FGF12: variants seen among roughly 807,000 people sequenced by gnomAD.
FGF12 encodes fibroblast growth factor 12, also known as fibroblast growth factor 12B.
Under a neutral mutation model 23.6 loss-of-function variants are expected in FGF12, and 14 were observed. The observed-to-expected ratio is 0.59, with a 90% CI of 0.39 to 0.93. The LOEUF is 0.93. FGF12 is among the 40% of genes least tolerant of loss of function. The pLI, the probability that FGF12 is intolerant of heterozygous loss-of-function variation, is 0.00. For missense variants in FGF12, 175 were observed against 217.8 expected (o/e 0.80, Z 1.24); for synonymous variants, 62 against 77.3 (o/e 0.80, Z 1.04).
chr3:192,378,080 T>TCTTTCTTTCTG (rs1553805087), intron 2 of FGF12, among the ~76,000 whole-genome samples: 1 of 105,808 alleles, frequency 9.5e-6, no homozygotes, highest in Non-Finnish European at 2.0e-5. Context: ...CTTTCTTTCT[T>TCTTTCTTTCTG]TCTTTCTTTC....
intron 2 of FGF12, among the ~76,000 whole-genome samples, chr3:192,433,168 G>A (rs922483723): frequency 2.0e-5 from 3 of 152,138 alleles, no homozygotes; most frequent in Non-Finnish European, 1.5e-5. Context: ...AGGGACCCTG[G>A]CACCCCAGTC....
chr3:192,631,366 C>T lies in FGF12; in HGVS notation c.13+95815G>A, dbSNP rs377189159. Among the ~76,000 whole-genome samples, 11 of 152,330 alleles carry T rather than the reference C, an allele frequency of 7.2e-5. 1 individual carries two copies. Among genetic ancestry groups the T allele is most frequent in the South Asian group, 4.1e-4 (2 of 4,830 alleles). ...ACGACATCTAGCCCAACTACTGGAA[C>T]GTAATGTCACTTCATCCAGTATAGC... On this transcript the variant is annotated intron_variant, in intron 2 of 5. Coordinates refer to ENST00000445105, the MANE Select transcript of FGF12 (RefSeq NM_004113.6).
chr3:192,487,974 A>G (rs1236088955), intron 2 of FGF12, among the ~76,000 whole-genome samples: 1 of 152,108 alleles, frequency 6.6e-6, no homozygotes, highest in Non-Finnish European at 1.5e-5. Flanking sequence ...GCAGCACAAT[A>G]TTGTGCTCTG....
chr3:192,628,098 A>G (rs1430980159), intron 2 of FGF12, among the ~76,000 whole-genome samples: 1 of 152,154 alleles, frequency 6.6e-6, no homozygotes, highest in Non-Finnish European at 1.5e-5. Context: ...ACGTGATTAT[A>G]CAGTAAATAA....
chr3:192,645,813 C>T (rs115572330), intron 2 of FGF12, among the ~76,000 whole-genome samples: 199 of 135,632 alleles, frequency 1.5e-3, no homozygotes, highest in African/African-American at 5.1e-3. Flanking sequence ...TTTCTTGGAA[C>T]CAACATTCTA....
At chr3:192,252,188 T>C (rs1406909757) in intron 4 of FGF12, among the ~76,000 whole-genome samples, 7 of 151,704 alleles carry the variant, frequency 4.6e-5, no homozygotes, top group African/African-American at 2.4e-5. Flanking sequence ...AAGCCGGGCA[T>C]GGTGGCTCAC....
intron 2 of FGF12, among the ~76,000 whole-genome samples, chr3:192,423,266 A>G (rs1352997087): frequency 6.6e-6 from 1 of 152,190 alleles, no homozygotes; most frequent in East Asian, 1.9e-4. Context: ...TCCTAGAGCC[A>G]CTAAAATGTG....
In FGF12 at chr3:192,215,608, C is replaced by T. The variant is rs529615075; in HGVS notation, c.229-44952G>A. On this transcript the variant is annotated intron_variant, in intron 4 of 5. Coordinates refer to ENST00000445105, the MANE Select transcript of FGF12 (RefSeq NM_004113.6). ...GACAGCTTCTCCACAACACTCCTGC[C>T]GACTCTGTACCTATTATCTCCTAGC... Among the ~76,000 whole-genome samples, 8 of 152,210 alleles carry T rather than the reference C, an allele frequency of 5.3e-5. No homozygotes were observed. The South Asian group carries it at 1.7e-3, about 32-fold the overall frequency.
intron 2 of FGF12, among the ~76,000 whole-genome samples, chr3:192,628,460 C>T (rs1430247763): frequency 7.2e-6 from 1 of 139,274 alleles, no homozygotes; most frequent in Non-Finnish European, 1.5e-5. Flanking sequence ...CACACACACA[C>T]ACACACACAC....
intron 4 of FGF12, among the ~76,000 whole-genome samples, chr3:192,256,173 C>T (rs1230966540): frequency 2.0e-5 from 3 of 152,058 alleles, no homozygotes; most frequent in Non-Finnish European, 4.4e-5. Context: ...TCTTACTTCC[C>T]ATGCAAATTA....
intron 2 of FGF12, among the ~76,000 whole-genome samples, chr3:192,533,092 G>A (rs768000692): frequency 1.3e-5 from 2 of 152,098 alleles, no homozygotes; most frequent in Non-Finnish European, 2.9e-5. Context: ...CGTGTGCTCA[G>A]GGATTCAACC....
At chr3:192,417,723 C>T (rs1721399736) in intron 2 of FGF12, among the ~76,000 whole-genome samples, 2 of 152,056 alleles carry the variant, frequency 1.3e-5, no homozygotes, top group South Asian at 2.1e-4. Context: ...TCCCTTATCT[C>T]CTTTGTACAT....
At chr3:192,420,611 C>T (rs1317396456) in intron 2 of FGF12, among the ~76,000 whole-genome samples, 1 of 152,110 alleles carries the variant, frequency 6.6e-6, no homozygotes, top group Non-Finnish European at 1.5e-5. Flanking sequence ...CTCTCTTGCT[C>T]CCTCTCTAGC....
chr3:192,561,884 T>C (rs900814905), intron 2 of FGF12, among the ~76,000 whole-genome samples: 3 of 147,130 alleles, frequency 2.0e-5, no homozygotes, highest in African/African-American at 7.6e-5. Flanking sequence ...AGTTAAAACA[T>C]GGCAAAATAA....
chr3:192,329,252 G>T (rs943285406), intron 4 of FGF12, among the ~76,000 whole-genome samples: 1 of 152,144 alleles, frequency 6.6e-6, no homozygotes, highest in African/African-American at 2.4e-5. Flanking sequence ...ATGGACAATG[G>T]AGACAGGTGA....
At chr3:192,426,538 A>G (rs1721692029) in intron 2 of FGF12, among the ~76,000 whole-genome samples, 1 of 152,230 alleles carries the variant, frequency 6.6e-6, no homozygotes. Context: ...GTAGCTCTTC[A>G]AACAGATGTT....
At chr3:192,154,569 T>C (rs1038931313) in intron 5 of FGF12, among the ~76,000 whole-genome samples, 6 of 151,588 alleles carry the variant, frequency 4.0e-5, no homozygotes, top group African/African-American at 1.5e-4. Context: ...TGGAGTACCC[T>C]GCTGTGAGAG....
chr3:192,538,312 G>A (rs529868361), intron 2 of FGF12, among the ~76,000 whole-genome samples: 1 of 152,160 alleles, frequency 6.6e-6, no homozygotes, highest in South Asian at 2.1e-4. Context: ...GAGATAGGGG[G>A]TCTAGTTCCA....
intron 2 of FGF12, among the ~76,000 whole-genome samples, chr3:192,620,492 T>C (rs1286492084): frequency 6.6e-6 from 1 of 152,106 alleles, no homozygotes; most frequent in African/African-American, 2.4e-5. Context: ...ATAAAAACTA[T>C]ACGGTAGGAA....
Sources: gnomAD v4.1 joint callset for allele counts (sites outside exome capture counted in the v4.1 genomes callset) on GRCh38, gnomAD v4.1.1 for gene constraint, MANE v1.5 for transcripts, NCBI Gene and HGNC (gene_info 2026-07-23, HGNC 2026-07-21) for gene names.